Variants in CWC27 observed in about 807,000 individuals in gnomAD.
CWC27 encodes spliceosome-associated protein CWC27 homolog.
CWC27 carries 47 observed loss-of-function variants against 63.6 expected under a neutral mutation model. The observed-to-expected ratio is 0.74, with a 90% CI of 0.58 to 0.94. The LOEUF (loss-of-function observed/expected upper bound fraction) is 0.94, where lower values mean the gene tolerates loss of function less well. Among genes scored for constraint, CWC27 ranks in the 40% least tolerant of loss-of-function variants. The pLI is 0.00. For synonymous variants in CWC27, 175 were observed against 179.8 expected (o/e 0.97, Z 0.22); for missense variants, 495 against 554.3 (o/e 0.89, Z 1.07).
chr5:64,890,581 A>G (rs1460134554), intron 11 of CWC27, among the ~76,000 whole-genome samples: 1 of 151,840 alleles, frequency 6.6e-6, no homozygotes, highest in Non-Finnish European at 1.5e-5. Flanking sequence ...GAAGTATCAG[A>G]CCTATTTTTC....
intron 10 of CWC27, among the ~76,000 whole-genome samples, chr5:64,866,953 G>A (rs1746544216): frequency 6.6e-6 from 1 of 152,050 alleles, no homozygotes; most frequent in Non-Finnish European, 1.5e-5. Flanking sequence ...TAGGAAAAAT[G>A]TATGACACTT....
At chr5:64,868,876 T>A (rs1317840683) in intron 10 of CWC27, among the ~76,000 whole-genome samples, 1 of 152,070 alleles carries the variant, frequency 6.6e-6, no homozygotes, top group Non-Finnish European at 1.5e-5. Context: ...TCTTACCTTA[T>A]CATCTTTGCA....
chr5:64,947,777 T>C (rs1748618244), intron 11 of CWC27, among the ~76,000 whole-genome samples: 2 of 152,028 alleles, frequency 1.3e-5, no homozygotes, highest in Admixed American at 1.3e-4. Flanking sequence ...CATTACATGT[T>C]TTTGGGGAGC....
At chr5:64,788,812 G>A in intron 6 of CWC27, 139 bp from the exon 7 acceptor site, 1 of 588,782 alleles carries the variant, frequency 1.7e-6, no homozygotes, top group East Asian at 2.9e-5. Flanking sequence ...GCTGAATACT[G>A]AGTAATATGG....
At chr5:64,983,387 T>C (rs1361609806) in intron 13 of CWC27, among the ~76,000 whole-genome samples, 1 of 152,170 alleles carries the variant, frequency 6.6e-6, no homozygotes, top group African/African-American at 2.4e-5. Flanking sequence ...TGTACACTCA[T>C]GAGGGGATAA....
At chr5:64,916,055 C>T (rs1747881438) in intron 11 of CWC27, among the ~76,000 whole-genome samples, 1 of 152,190 alleles carries the variant, frequency 6.6e-6, no homozygotes, top group African/African-American at 2.4e-5. Context: ...AGCTCAAGTA[C>T]CATTTTCTTA....
rs1396438274 is a variant in CWC27, at chr5:64,983,349, A to G, written c.1256+6111A>G. On this transcript the variant is annotated intron_variant, in intron 13 of 13. Coordinates refer to ENST00000381070, the MANE Select transcript of CWC27 (RefSeq NM_005869.4). The stretch of plus-strand genomic sequence containing the variant: ...TCTGCTTTACTCTGTTTTATCTCAC[A>G]CTTCATGTATTCTCTGAAAAATTCC... 4.6e-5 allele frequency among the ~76,000 whole-genome samples: 7 copies of G among 152,204 alleles called. No individual in the cohort carries two copies. The East Asian group carries it at 1.3e-3, about 29-fold the overall frequency.
intron 7 of CWC27, among the ~76,000 whole-genome samples, chr5:64,791,196 T>A (rs12522567): frequency 6.6e-6 from 1 of 151,932 alleles, no homozygotes; most frequent in African/African-American, 2.4e-5. Flanking sequence ...TTTGTTGAAG[T>A]TAAATTTCTA....
At chr5:64,995,278 G>C (rs1360971954) in intron 13 of CWC27, among the ~76,000 whole-genome samples, 1 of 151,938 alleles carries the variant, frequency 6.6e-6, no homozygotes, top group African/African-American at 2.4e-5. Flanking sequence ...GGCCTATGAA[G>C]AATATTATTT....
At chr5:64,895,572 A>G (rs2112356869) in intron 11 of CWC27, among the ~76,000 whole-genome samples, 1 of 152,316 alleles carries the variant, frequency 6.6e-6, no homozygotes, top group African/African-American at 2.4e-5. Context: ...AGAACAGCTC[A>G]GAAGACACAT....
intron 10 of CWC27, among the ~76,000 whole-genome samples, chr5:64,882,061 A>C (rs1245898777): frequency 6.6e-6 from 1 of 152,210 alleles, no homozygotes; most frequent in African/African-American, 2.4e-5. Flanking sequence ...TGGGATATCT[A>C]CAGTTGTGTT....
At chr5:64,990,820 T>A (rs1341208703) in intron 13 of CWC27, among the ~76,000 whole-genome samples, 2 of 152,244 alleles carry the variant, frequency 1.3e-5, no homozygotes, top group African/African-American at 4.8e-5. Context: ...TTTCTATGAA[T>A]ACTTATCTAG....
intron 11 of CWC27, among the ~76,000 whole-genome samples, chr5:64,890,372 A>G (rs572554480): frequency 6.6e-6 from 1 of 152,284 alleles, no homozygotes; most frequent in East Asian, 1.9e-4. Flanking sequence ...GTTTTTGAGT[A>G]CTTTTCATCT....
intron 10 of CWC27, among the ~76,000 whole-genome samples, chr5:64,855,374 A>G (rs1746227360): frequency 6.6e-6 from 1 of 152,190 alleles, no homozygotes; most frequent in Non-Finnish European, 1.5e-5. Flanking sequence ...TCAGCATAAT[A>G]AACAGCCAGG....
chr5:64,909,907 G>A (rs1033859447), intron 11 of CWC27, among the ~76,000 whole-genome samples: 4 of 152,088 alleles, frequency 2.6e-5, no homozygotes, highest in African/African-American at 7.2e-5. Context: ...TGTTATTACC[G>A]ACCTTCTGAA....
intron 10 of CWC27, among the ~76,000 whole-genome samples, chr5:64,857,825 GTATTAAAAGACACTTT>G: frequency 6.6e-6 from 1 of 152,282 alleles, no homozygotes; most frequent in South Asian, 2.1e-4. Context: ...AAATTTCTGT[GTATTAAAAGACACTTT>G]TAAAAATGAA....
At chr5:64,994,177 T>C (rs1309546) in intron 13 of CWC27, among the ~76,000 whole-genome samples, 56,421 of 152,022 alleles carry the variant, frequency 0.37, 11,089 homozygotes, top group Non-Finnish European at 0.44. Flanking sequence ...TCATTGTTTT[T>C]GTCTACCCTC....
chr5:64,994,768 T>A (rs1203776350), intron 13 of CWC27, among the ~76,000 whole-genome samples: 1 of 152,194 alleles, frequency 6.6e-6, no homozygotes, highest in Non-Finnish European at 1.5e-5. Flanking sequence ...CAGCAATGTA[T>A]GAAATTGCTA....
At chr5:64,982,304 G>A (rs1390940963) in intron 13 of CWC27, among the ~76,000 whole-genome samples, 1 of 152,022 alleles carries the variant, frequency 6.6e-6, no homozygotes, top group Admixed American at 6.6e-5. Flanking sequence ...TGTATTGAAT[G>A]AAGGGTGAAA....
Sources: gnomAD v4.1 joint callset for allele counts (sites outside exome capture counted in the v4.1 genomes callset) on GRCh38, gnomAD v4.1.1 for gene constraint, MANE v1.5 for transcripts, NCBI Gene and HGNC (gene_info 2026-07-23, HGNC 2026-07-21) for gene names.